The following JAKMIP2 variants were observed in gnomAD, a reference collection of about 807,000 sequenced individuals.
The protein encoded by JAKMIP2 is janus kinase and microtubule interacting protein 2, also known as janus kinase and microtubule-interacting protein 2.
A neutral mutation model predicts 115.0 loss-of-function variants in JAKMIP2; 25 were observed. That is an observed-to-expected ratio of 0.22 (90% confidence interval 0.16 to 0.30). The LOEUF (loss-of-function observed/expected upper bound fraction) is 0.30, where lower values mean the gene tolerates loss of function less well. Among genes scored for constraint, JAKMIP2 ranks in the 10% least tolerant of loss-of-function variants. JAKMIP2 has a pLI of 1.00. For missense variants in JAKMIP2, 642 were observed against 957.6 expected (o/e 0.67, Z 4.35); for synonymous variants, 334 against 343.6 (o/e 0.97, Z 0.31).
At chr5:147,677,937 C>G (rs1049254585) in intron 1 of JAKMIP2, among the ~76,000 whole-genome samples, 1 of 152,124 alleles carries the variant, frequency 6.6e-6, no homozygotes, top group African/African-American at 2.4e-5. Context: ...CTCCTCCTAA[C>G]TCACTGAAAT....
chr5:147,626,464 A>G (rs1561499461), intron 16 of JAKMIP2, among the ~76,000 whole-genome samples: 1 of 152,206 alleles, frequency 6.6e-6, no homozygotes, highest in Non-Finnish European at 1.5e-5. Context: ...ACGTAAGATC[A>G]TGGGCTTTAG....
chr5:147,704,271 C>G (rs916252612), intron 1 of JAKMIP2, among the ~76,000 whole-genome samples: 10 of 152,126 alleles, frequency 6.6e-5, no homozygotes, highest in Non-Finnish European at 2.9e-5. Context: ...CTTTTATAGA[C>G]TGGCAATGCT....
At chr5:147,660,883 C>A in intron 3 of JAKMIP2, 65 bp downstream of exon 3, 1 of 1,556,450 alleles carries the variant, frequency 6.4e-7, no homozygotes, top group South Asian at 1.2e-5. Context: ...GAAGCAAACC[C>A]CACAGCGCTC....
intron 1 of JAKMIP2, among the ~76,000 whole-genome samples, chr5:147,717,553 G>A (rs1486797441): frequency 7.2e-6 from 1 of 139,612 alleles, no homozygotes; most frequent in Non-Finnish European, 1.6e-5. Context: ...CCTTGAAGAG[G>A]TCCTTCACAT....
At chr5:147,598,725 A>G (rs920542775) in intron 21 of JAKMIP2, among the ~76,000 whole-genome samples, 1 of 152,122 alleles carries the variant, frequency 6.6e-6, no homozygotes, top group African/African-American at 2.4e-5. Flanking sequence ...GACAATAATG[A>G]CTTAGGCAAT....
chr5:147,669,602 C>T (rs1374365342), intron 2 of JAKMIP2, among the ~76,000 whole-genome samples: 1 of 152,200 alleles, frequency 6.6e-6, no homozygotes, highest in Non-Finnish European at 1.5e-5. Flanking sequence ...GGTTCCCAGT[C>T]TCGAGATTGA....
chr5:147,735,771 A>G (rs1753899564), intron 1 of JAKMIP2, among the ~76,000 whole-genome samples: 1 of 152,248 alleles, frequency 6.6e-6, no homozygotes, highest in South Asian at 2.1e-4. Flanking sequence ...TCTATTTATT[A>G]GGCATAGTAT....
At chr5:147,758,233 A>G (rs2127040017) in intron 1 of JAKMIP2, among the ~76,000 whole-genome samples, 1 of 152,308 alleles carries the variant, frequency 6.6e-6, no homozygotes, top group African/African-American at 2.4e-5. Context: ...TTATGTAAAC[A>G]GTTACAGAAA....
chr5:147,736,894 GT>G (rs1380795781), intron 1 of JAKMIP2, among the ~76,000 whole-genome samples: 1 of 152,096 alleles, frequency 6.6e-6, no homozygotes, highest in Admixed American at 6.6e-5. Context: ...GCCTGATAGG[GT>G]AAGATTTGAG....
rs1757344877 is a variant in JAKMIP2 at position 147,631,440 on chromosome 5, C to T, written c.1848G>A (p.Gln616=). The part of the protein sequence containing the change: ...HPFSDGVSAL[Q]IYCMKEGVKD... ...TAACACCTTCTTTCATACAGTAGAT[C>T]TGTAGAGCACTCACACCATCTGAGA... The change falls in exon 14 of 22, where the codon CAG becomes CAA. Residue 616 remains glutamine, a synonymous_variant. Transcript: ENST00000616793. The T allele has an allele frequency of 2.5e-6, 4 of 1,609,518 alleles. No individual in the cohort carries two copies. Among genetic ancestry groups the T allele is most frequent in the Non-Finnish European group, 1.7e-6 (2 of 1,176,518 alleles).
intron 1 of JAKMIP2, among the ~76,000 whole-genome samples, chr5:147,700,263 C>G (rs952740153): frequency 4.0e-5 from 6 of 151,810 alleles, no homozygotes; most frequent in African/African-American, 1.4e-4. Context: ...GGGATATAAA[C>G]AAAGAACTAG....
At chr5:147,673,581 GT>G (rs1467293185) in intron 1 of JAKMIP2, among the ~76,000 whole-genome samples, 26 of 152,152 alleles carry the variant, frequency 1.7e-4, no homozygotes, top group Middle Eastern at 3.2e-3. Context: ...TCATAGAACT[GT>G]CCACCACATT....
At chr5:147,737,347 T>C (rs560678299) in intron 1 of JAKMIP2, among the ~76,000 whole-genome samples, 10 of 152,180 alleles carry the variant, frequency 6.6e-5, no homozygotes, top group Non-Finnish European at 1.3e-4. Flanking sequence ...CTTTTTCCTA[T>C]AGACAGAAAT....
In JAKMIP2 at chr5:147,591,444, C is replaced by A; in HGVS notation, c.*263G>T. ...CACAATATATGTTTATAGTTCTTCT[C>A]TTCTGATTTGACATATACATGTTTC... is the stretch of plus-strand genomic sequence containing the variant. On this transcript the variant is annotated 3_prime_UTR_variant, in exon 22 of 22. Transcript: ENST00000616793. 1 of 526,538 alleles carries A rather than the reference C, an allele frequency of 1.9e-6. No individual in the cohort carries two copies. 32.6% of individuals were successfully genotyped at this position (526,538 alleles called of 1,614,324 possible). A position where few individuals can be genotyped will look rare whatever the true frequency, so the allele number is the denominator to read the frequency against.
intron 1 of JAKMIP2, among the ~76,000 whole-genome samples, chr5:147,767,173 A>G (rs1580899191): frequency 6.6e-6 from 1 of 152,210 alleles, no homozygotes; most frequent in African/African-American, 2.4e-5. Context: ...GAATGGCAAC[A>G]TTGTGTGTGC....
intron 21 of JAKMIP2, among the ~76,000 whole-genome samples, chr5:147,601,371 G>T (rs1755684705): frequency 6.6e-6 from 1 of 152,070 alleles, no homozygotes; most frequent in South Asian, 2.1e-4. Context: ...CAGGAGGATT[G>T]CTTGAGCTCT....
intron 14 of JAKMIP2, among the ~76,000 whole-genome samples, chr5:147,630,754 C>A (rs1757317120): frequency 6.6e-6 from 1 of 152,102 alleles, no homozygotes; most frequent in Admixed American, 6.6e-5. Flanking sequence ...CAGGCAGCAT[C>A]CCAGCTTTAC....
chr5:147,781,947 A>T (rs1422787096), intron 1 of JAKMIP2, among the ~76,000 whole-genome samples: 1 of 152,218 alleles, frequency 6.6e-6, no homozygotes, highest in Non-Finnish European at 1.5e-5. Flanking sequence ...TTTCTCAACA[A>T]GAGTATATTA....
chr5:147,642,166 T>C (rs1581341229), intron 7 of JAKMIP2, among the ~76,000 whole-genome samples: 1 of 152,230 alleles, frequency 6.6e-6, no homozygotes, highest in East Asian at 1.9e-4. Flanking sequence ...CGTATTCTTT[T>C]CATTTAGTCA....
Sources: gnomAD v4.1 joint callset for allele counts (sites outside exome capture counted in the v4.1 genomes callset) on GRCh38, gnomAD v4.1.1 for gene constraint, MANE v1.5 for transcripts, NCBI Gene and HGNC (gene_info 2026-07-23, HGNC 2026-07-21) for gene names.